The following DNAH7 variants were observed in gnomAD, a reference collection of about 807,000 sequenced individuals.
The protein encoded by DNAH7 is axonemal beta dynein heavy chain 7.
A neutral mutation model predicts 444.6 loss-of-function variants in DNAH7; 397 were observed. The observed-to-expected ratio is 0.89, with a 90% confidence interval of 0.82 to 0.97. The LOEUF (loss-of-function observed/expected upper bound fraction) is 0.97, where lower values mean the gene tolerates loss of function less well. Among genes scored for constraint, DNAH7 ranks in the 50% least tolerant of loss-of-function variants. The pLI is 0.00. For missense variants in DNAH7, 4,902 were observed against 4,800.8 expected, an observed-to-expected ratio of 1.02 and a Z score of -0.62; for synonymous variants, 1,636 against 1,624.4, an observed-to-expected ratio of 1.01 and a Z score of -0.17.
At chr2:196,032,026 T>C (rs1186783313) in intron 5 of DNAH7, among the ~76,000 whole-genome samples, 1 of 152,172 alleles carries the variant, frequency 6.6e-6, no homozygotes, top group Non-Finnish European at 1.5e-5. Flanking sequence ...TACCCGAAAC[T>C]GGGCAATTTA....
At chr2:195,953,759 A>G (rs1318390383) in intron 19 of DNAH7, among the ~76,000 whole-genome samples, 1 of 152,204 alleles carries the variant, frequency 6.6e-6, no homozygotes, top group Non-Finnish European at 1.5e-5. Context: ...TATATTAACA[A>G]CAGTATTTAC....
intron 2 of DNAH7, among the ~76,000 whole-genome samples, chr2:196,056,464 A>AG (rs1160943783): frequency 1.3e-5 from 2 of 151,484 alleles, no homozygotes; most frequent in African/African-American, 4.9e-5. Context: ...TCTTTTCTGC[A>AG]GGGGGAATCC....
Position 195,915,305 on chromosome 2 carries a change from G to C in DNAH7, c.3936-5110C>G, listed in dbSNP as rs372708263. On this transcript the variant is annotated intron_variant, in intron 24 of 64. Transcript: ENST00000312428. Reference sequence around the variant, plus strand: ...GTTCCAAAGGATTAAGTAGGAGTTAGTTGTATTTATTGAGGAACAAAAGAA... The same window carrying C: ...GTTCCAAAGGATTAAGTAGGAGTTACTTGTATTTATTGAGGAACAAAAGAA... Among the ~76,000 whole-genome samples, 16 of 152,176 alleles carry C rather than the reference G, an allele frequency of 1.1e-4. No homozygotes were observed. The South Asian group carries it at 1.5e-3, about 14-fold the overall frequency.
intron 58 of DNAH7, among the ~76,000 whole-genome samples, chr2:195,779,987 TC>T (rs1472471346): frequency 2.0e-5 from 3 of 152,240 alleles, no homozygotes; most frequent in Non-Finnish European, 4.4e-5. Context: ...AAATATTTTT[TC>T]TACTTAGTTT....
intron 19 of DNAH7, among the ~76,000 whole-genome samples, chr2:195,948,986 T>C (rs892451783): frequency 1.3e-5 from 2 of 151,988 alleles, no homozygotes; most frequent in African/African-American, 4.8e-5. Flanking sequence ...TGGTTTGTAG[T>C]CCTCCTTGAA....
In DNAH7 at chr2:195,799,427, C is replaced by T. The variant is rs767834640; in HGVS notation, c.10222G>A (p.Ala3408Thr). ...QEFIINRLGR[A>T]FIEPPPFDLA... ...TCAAAGGGGGGTGGTTCAATGAATGCACGTCCCAATCTGTTGATTATAAAT... is the reference window on the plus strand; with the variant it reads ...TCAAAGGGGGGTGGTTCAATGAATGTACGTCCCAATCTGTTGATTATAAAT... Residue 3408 changes from alanine (A) to threonine (T), a missense_variant, in exon 55 of 65, where the codon GCA becomes ACA. Transcript: ENST00000312428. 8.1e-6 allele frequency: 13 copies of T among 1,608,588 alleles called. No individual in the cohort carries two copies. Among genetic ancestry groups the T allele is most frequent in the African/African-American group, 1.3e-5 (1 of 74,670 alleles).
intron 9 of DNAH7, 148 bp from the exon 10 acceptor site, chr2:196,013,054 G>C: frequency 2.0e-6 from 1 of 508,814 alleles, no homozygotes; most frequent in Non-Finnish European, 3.2e-6. Flanking sequence ...AAGAACACAA[G>C]ATATTCTAAT....
chr2:195,876,055 A>C (rs1050092409), intron 37 of DNAH7, among the ~76,000 whole-genome samples: 1 of 152,204 alleles, frequency 6.6e-6, no homozygotes, highest in Non-Finnish European at 1.5e-5. Flanking sequence ...TCTCATTACT[A>C]ATCTTCGTAG....
At chr2:196,050,526 A>G (rs997380504) in intron 3 of DNAH7, among the ~76,000 whole-genome samples, 1 of 152,176 alleles carries the variant, frequency 6.6e-6, no homozygotes, top group Non-Finnish European at 1.5e-5. Context: ...TTTTTTAAAA[A>G]ATAATAATAT....
In DNAH7 at chr2:195,857,535, A is replaced by T; in HGVS notation, c.8256T>A (p.Leu2752=). The change falls in exon 44 of 65, where the codon CTT becomes CTA. Residue 2752 remains leucine, a synonymous_variant. Coordinates refer to ENST00000312428, the MANE Select transcript of DNAH7 (RefSeq NM_018897.3). ...GAATATTGTCCTTGTCATATTCATG[A>T]AGTGACTGCAGAAACCTCATGTCAC... ...LLGDMRFLQS[L]HEYDKDNIPP... is the part of the protein sequence containing the mutation. 1 of 1,614,010 alleles carries T rather than the reference A, an allele frequency of 6.2e-7. No homozygotes were observed. Among genetic ancestry groups the T allele is most frequent in the Non-Finnish European group, 8.5e-7 (1 of 1,179,940 alleles).
At chr2:195,790,050 A>G (rs969756266) in intron 57 of DNAH7, among the ~76,000 whole-genome samples, 5 of 152,194 alleles carry the variant, frequency 3.3e-5, no homozygotes, top group African/African-American at 1.2e-4. Flanking sequence ...TGAAAGCCAA[A>G]TCAAGGACAC....
intron 12 of DNAH7, among the ~76,000 whole-genome samples, chr2:195,989,429 G>A (rs1235103047): frequency 3.3e-5 from 5 of 152,178 alleles, no homozygotes; most frequent in Non-Finnish European, 7.3e-5. Flanking sequence ...GTATTTCTCT[G>A]ATAATTAGAG....
In DNAH7 at chr2:196,000,707, C is replaced by A. The variant is rs995830213; in HGVS notation, c.1350G>T (p.Lys450Asn). Residue 450 changes from lysine to asparagine, a missense_variant, in exon 12 of 65, where the codon AAG becomes AAT. Coordinates refer to ENST00000312428, the MANE Select transcript of DNAH7 (RefSeq NM_018897.3). ...VPRVETKLYS[K>N]WESKSKPTTL... ...TCTTAATATCCTTGTTACTTACCCA[C>A]TTGGAATACAATTTTGTCTCAACTC... 9.0e-6 allele frequency: 14 copies of A among 1,554,688 alleles called. No individual in the cohort carries two copies. Among genetic ancestry groups the A allele is most frequent in the South Asian group, 5.0e-5 (4 of 80,094 alleles).
chr2:195,749,710 T>C (rs1309825678), intron 63 of DNAH7, among the ~76,000 whole-genome samples: 1 of 151,762 alleles, frequency 6.6e-6, no homozygotes, highest in Non-Finnish European at 1.5e-5. Context: ...GAAATCATCA[T>C]TCTCAGTAAA....
chr2:195,855,089 T>C (rs1358252252), intron 45 of DNAH7, among the ~76,000 whole-genome samples: 1 of 152,188 alleles, frequency 6.6e-6, no homozygotes, highest in Non-Finnish European at 1.5e-5. Flanking sequence ...TTTCTGTTCT[T>C]TAGTTTCTTC....
chr2:195,857,302 TA>T, intron 44 of DNAH7, 74 bp downstream of exon 44: 1 of 1,315,208 alleles, frequency 7.6e-7, no homozygotes, highest in Non-Finnish European at 1.0e-6. Context: ...ACATAACTTT[TA>T]AATTGTATAT....
At chr2:195,847,675 A>C (rs1699092591) in intron 46 of DNAH7, among the ~76,000 whole-genome samples, 1 of 152,176 alleles carries the variant, frequency 6.6e-6, no homozygotes, top group Admixed American at 6.5e-5. Flanking sequence ...ACAAAGATTC[A>C]ATTTACAAAG....
chr2:195,828,490 C>A (rs1312013086), intron 48 of DNAH7, among the ~76,000 whole-genome samples: 1 of 151,600 alleles, frequency 6.6e-6, no homozygotes, highest in African/African-American at 2.4e-5. Context: ...GAGGCTGAGG[C>A]AGGAAAACAG....
chr2:195,937,547 T>C (rs1223601307), intron 19 of DNAH7, among the ~76,000 whole-genome samples: 1 of 152,198 alleles, frequency 6.6e-6, no homozygotes, highest in Non-Finnish European at 1.5e-5. Context: ...AAAGCTGATC[T>C]TAAAGAACTC....
Sources: allele counts gnomAD v4.1 joint callset (sites outside exome capture counted in the v4.1 genomes callset), GRCh38; gene constraint gnomAD v4.1.1; transcripts MANE v1.5; gene names NCBI Gene and HGNC (gene_info 2026-07-23, HGNC 2026-07-21).